Variants in DENND2B observed in about 807,000 individuals in gnomAD.
DENND2B encodes the protein DENN domain containing 2B, also known as DENN domain-containing protein 2B.
In DENND2B, 32 loss-of-function variants were observed where a neutral mutation model predicts 116.0. The observed-to-expected ratio is 0.28, with a 90% CI of 0.21 to 0.37. The LOEUF (loss-of-function observed/expected upper bound fraction) is 0.37, where lower values mean the gene tolerates loss of function less well. Ranked by LOEUF, DENND2B falls within the 10% of genes least tolerant of loss-of-function variation. The probability of loss-of-function intolerance (pLI) is 1.00; values close to 1 mark genes in which losing one functional copy is unlikely to be tolerated. For missense variants in DENND2B, 1,276 were observed against 1,477.7 expected (o/e 0.86, Z 2.24); for synonymous variants, 588 against 583.9 (o/e 1.01, Z -0.10).
intron 4 of DENND2B, among the ~76,000 whole-genome samples, chr11:8,815,765 C>T (rs1248310702): frequency 1.3e-5 from 2 of 152,208 alleles, no homozygotes; most frequent in Non-Finnish European, 2.9e-5. Context: ...GTCTCCCCCA[C>T]AGACCTGAGC....
chr11:8,826,058 C>G (rs1027995063), intron 4 of DENND2B, among the ~76,000 whole-genome samples: 1 of 152,124 alleles, frequency 6.6e-6, no homozygotes, highest in African/African-American at 2.4e-5. Context: ...GAGAAGATAA[C>G]ACGTCTGATT....
At chr11:8,754,328 A>G (rs939855650) in intron 1 of DENND2B, among the ~76,000 whole-genome samples, 5 of 152,372 alleles carry the variant, frequency 3.3e-5, no homozygotes, top group African/African-American at 9.6e-5. Flanking sequence ...AATGCTCAAT[A>G]TCATTAGTCA....
intron 13 of DENND2B, among the ~76,000 whole-genome samples, chr11:8,704,625 T>C (rs559352344): frequency 6.6e-6 from 1 of 152,358 alleles, no homozygotes; most frequent in East Asian, 1.9e-4. Context: ...TCTCTACAAC[T>C]AATTTATTTA....
chr11:8,878,932 G>C (rs2063873315), intron 2 of DENND2B, among the ~76,000 whole-genome samples: 1 of 152,176 alleles, frequency 6.6e-6, no homozygotes, highest in Non-Finnish European at 1.5e-5. Context: ...AGCTCCTTGA[G>C]AGTGGTGAAA....
chr11:8,744,063 G>C (rs552328610), intron 2 of DENND2B, among the ~76,000 whole-genome samples: 1 of 151,704 alleles, frequency 6.6e-6, no homozygotes, highest in African/African-American at 2.4e-5. Context: ...GGCTTATCTT[G>C]AAGTGATTTG....
chr11:8,836,012 T>C (rs966693754), intron 4 of DENND2B, among the ~76,000 whole-genome samples: 2 of 151,862 alleles, frequency 1.3e-5, no homozygotes, highest in Non-Finnish European at 2.9e-5. Flanking sequence ...ATCGGGGATG[T>C]AGGTCACAGT....
chr11:8,804,524 G>A (rs78406497), intron 1 of DENND2B, among the ~76,000 whole-genome samples: 8,053 of 150,238 alleles, frequency 0.054, 355 homozygotes, highest in East Asian at 0.18. Context: ...AAAGATGAAC[G>A]AGATGCAAAA....
At chr11:8,743,167 T>C (rs2050539095) in intron 2 of DENND2B, among the ~76,000 whole-genome samples, 1 of 152,196 alleles carries the variant, frequency 6.6e-6, no homozygotes, top group Non-Finnish European at 1.5e-5. Context: ...CTGTATACTT[T>C]AAATTATATA....
At chr11:8,887,120 A>G (rs2063969776) in intron 1 of DENND2B, among the ~76,000 whole-genome samples, 1 of 152,116 alleles carries the variant, frequency 6.6e-6, no homozygotes, top group Admixed American at 6.5e-5. Context: ...GTGAGCCACC[A>G]CGCCCGGCCT....
At chr11:8,751,266 G>A (rs760124334) in intron 1 of DENND2B, among the ~76,000 whole-genome samples, 85 of 151,980 alleles carry the variant, frequency 5.6e-4, no homozygotes, top group Non-Finnish European at 9.1e-4. Context: ...GTTTGTAAAT[G>A]CACCAATCAG....
intron 1 of DENND2B, among the ~76,000 whole-genome samples, chr11:8,884,716 T>A (rs1179821992): frequency 6.6e-6 from 1 of 152,108 alleles, no homozygotes; most frequent in Non-Finnish European, 1.5e-5. Flanking sequence ...ATGGTACCAA[T>A]GATGACCCTT....
In DENND2B at chr11:8,707,384, G is replaced by T. The variant is rs950306997; in HGVS notation, c.2431-159C>A. The T allele has an allele frequency of 1.0e-6, 1 of 958,400 alleles. No individual in the cohort carries two copies. The highest frequency in any genetic ancestry group is 1.5e-6 in the Non-Finnish European group (1 of 670,402). The allele number at this position is 958,400 out of a possible 1,614,324, so 59.4% of individuals were successfully genotyped here. A position where few individuals can be genotyped will look rare whatever the true frequency, so the allele number is the denominator to read the frequency against. On this transcript the variant is annotated intron_variant, in intron 12 of 19. Coordinates refer to ENST00000313726, the MANE Select transcript of DENND2B (RefSeq NM_213618.2). This position sits in a 1 kb window ranked among gnomAD's most constrained non-coding sequence, Gnocchi z 4.8. ...ATGATCTGCACACTCTACCCTTCCC[G>T]TTTTCCTTGGCACTCAGTGACTCCT... is the stretch of plus-strand genomic sequence containing the variant.
At chr11:8,891,091 A>G (rs777542805) in intron 1 of DENND2B, among the ~76,000 whole-genome samples, 2 of 152,252 alleles carry the variant, frequency 1.3e-5, no homozygotes, top group Non-Finnish European at 2.9e-5. Flanking sequence ...AATATTCAAC[A>G]TTCTTAAAGA....
intron 2 of DENND2B, among the ~76,000 whole-genome samples, chr11:8,743,062 C>T (rs970975169): frequency 3.3e-5 from 5 of 151,034 alleles, no homozygotes; most frequent in African/African-American, 1.2e-4. Context: ...GAAACTCCAT[C>T]TCAGAAAAAG....
chr11:8,776,539 A>G (rs528949282), intron 1 of DENND2B: 96 of 267,766 alleles, frequency 3.6e-4, no homozygotes, highest in African/African-American at 1.9e-3. Flanking sequence ...AGAGTCAACC[A>G]CCAGACATCG....
At chr11:8,770,954 T>G (rs1390185647) in intron 1 of DENND2B, among the ~76,000 whole-genome samples, 1 of 152,236 alleles carries the variant, frequency 6.6e-6, no homozygotes, top group African/African-American at 2.4e-5. Context: ...CTAGCCTCTC[T>G]GATAGCACTT....
intron 2 of DENND2B, among the ~76,000 whole-genome samples, chr11:8,868,221 G>C (rs2134699345): frequency 6.6e-6 from 1 of 152,352 alleles, no homozygotes; most frequent in Non-Finnish European, 1.5e-5. Flanking sequence ...GACAGGAATT[G>C]AAACACCCAG....
chr11:8,898,140 C>T (rs1403542586), intron 1 of DENND2B, among the ~76,000 whole-genome samples: 1 of 152,230 alleles, frequency 6.6e-6, no homozygotes, highest in Non-Finnish European at 1.5e-5. Flanking sequence ...TAGAGCCTTA[C>T]TAGGCTCAAG....
intron 4 of DENND2B, among the ~76,000 whole-genome samples, chr11:8,724,777 A>G (rs559564944): frequency 3.9e-5 from 6 of 152,340 alleles, no homozygotes; most frequent in African/African-American, 1.4e-4. Flanking sequence ...GAAGACAGAG[A>G]TAGTGTCTCC....
Sources: gnomAD v4.1 joint callset for allele counts (sites outside exome capture counted in the v4.1 genomes callset) on GRCh38, gnomAD v4.1.1 for gene constraint, Gnocchi (gnomAD v3.1) non-coding constraint, MANE v1.5 for transcripts, NCBI Gene and HGNC (gene_info 2026-07-23, HGNC 2026-07-21) for gene names.